PAN3: variants seen among roughly 807,000 people sequenced by gnomAD.
PAN3 encodes the protein PAN2-PAN3 deadenylation complex subunit PAN3.
A neutral mutation model predicts 96.2 loss-of-function variants in PAN3; 19 were observed. The observed-to-expected ratio is 0.20, with a 90% CI of 0.14 to 0.29. The LOEUF is 0.29. Among genes scored for constraint, PAN3 ranks in the 10% least tolerant of loss-of-function variants. PAN3 has a pLI of 1.00. For synonymous variants in PAN3, 433 were observed against 406.6 expected, an observed-to-expected ratio of 1.06 and a Z score of -0.78; for missense variants, 882 against 1,108.1, an observed-to-expected ratio of 0.80 and a Z score of 2.90.
intron 5 of PAN3, among the ~76,000 whole-genome samples, chr13:28,203,016 G>A (rs1453435634): frequency 6.6e-6 from 1 of 151,566 alleles, no homozygotes; most frequent in Non-Finnish European, 1.5e-5. Context: ...AGGCTGGAGT[G>A]CAGTGGTGCA....
intron 1 of PAN3, among the ~76,000 whole-genome samples, chr13:28,141,717 T>C (rs1234111980): frequency 2.0e-5 from 3 of 152,164 alleles, no homozygotes; most frequent in African/African-American, 7.2e-5. Context: ...TCCGCCTGCC[T>C]CGGCCTCCTA....
intron 12 of PAN3, among the ~76,000 whole-genome samples, chr13:28,268,888 T>C (rs2138659812): frequency 6.6e-6 from 1 of 152,280 alleles, no homozygotes; most frequent in Non-Finnish European, 1.5e-5. Context: ...AATCTGGTCA[T>C]AGAATGTGGT....
At chr13:28,225,460 A>G (rs1270695231) in intron 6 of PAN3, among the ~76,000 whole-genome samples, 3 of 152,226 alleles carry the variant, frequency 2.0e-5, no homozygotes, top group Non-Finnish European at 2.9e-5. Context: ...TAAATTACAT[A>G]GTAGTTGGAT....
intron 17 of PAN3, 55 bp downstream of exon 17, chr13:28,281,434 T>C (rs1468794920): frequency 2.4e-5 from 34 of 1,438,482 alleles, no homozygotes; most frequent in Non-Finnish European, 3.2e-5. Flanking sequence ...CTATTTTGCA[T>C]AATAAGAATA....
intron 5 of PAN3, chr13:28,215,043 T>TA: frequency 8.8e-7 from 1 of 1,131,772 alleles, no homozygotes; most frequent in Non-Finnish European, 1.3e-6. Flanking sequence ...AGTCAGCACT[T>TA]ATATTAATAA....
chr13:28,267,917 G>A (rs1357195689), intron 12 of PAN3, among the ~76,000 whole-genome samples: 1 of 152,134 alleles, frequency 6.6e-6, no homozygotes, highest in African/African-American at 2.4e-5. Flanking sequence ...ATATGTCAAA[G>A]AAATGGAGAT....
At position 28,293,307 on chromosome 13, in the gene PAN3, T is replaced by C. The variant is rs946235911; in HGVS notation, c.*785T>C. On this transcript the variant is annotated 3_prime_UTR_variant, in exon 19 of 19. Coordinates refer to ENST00000380958, the MANE Select transcript of PAN3 (RefSeq NM_175854.8). ...TACATTTACATTTATGCAAATTTTT[T>C]AAATAGGAGAAAATTAAGAAATTGT... The C allele has an allele frequency of 4.0e-5, 6 of 151,454 alleles. No individual in the cohort carries two copies. The South Asian group carries it at 6.3e-4, about 16-fold the overall frequency. The allele number at this position is 151,454 out of a possible 1,614,324, so 9.4% of individuals were successfully genotyped here.
intron 5 of PAN3, among the ~76,000 whole-genome samples, chr13:28,218,170 G>T (rs147877372): frequency 6.6e-6 from 1 of 151,918 alleles, no homozygotes. Context: ...ATTGTTACAT[G>T]TTATTTTAAA....
chr13:28,288,063 G>A lies in PAN3; in HGVS notation c.2464G>A (p.Val822Met). The A allele has an allele frequency of 6.2e-7, 1 of 1,613,714 alleles. No individual in the cohort carries two copies. The highest frequency in any genetic ancestry group is 8.5e-7 in the Non-Finnish European group (1 of 1,179,710). The change falls in exon 18 of 19, where the codon GTG becomes ATG. Residue 822 changes from valine (V) to methionine (M), a missense_variant. This residue lies in a region of PAN3 where 76 missense variants were observed against 171.7 expected (regional missense o/e 0.44). Coordinates refer to ENST00000380958, the MANE Select transcript of PAN3 (RefSeq NM_175854.8). Reference protein sequence around the residue: ...KLFRDHLFHQVTEAGAPWIDL... With the variant: ...KLFRDHLFHQMTEAGAPWIDL... ...CTTTAGGGATCATCTTTTTCATCAG[G>A]TGACAGAAGCAGGTGCTCCCTGGAT... is the stretch of plus-strand genomic sequence containing the variant.
At chr13:28,205,062 T>C (rs1413900746) in intron 5 of PAN3, among the ~76,000 whole-genome samples, 2 of 152,160 alleles carry the variant, frequency 1.3e-5, no homozygotes, top group Non-Finnish European at 2.9e-5. Context: ...TAAATTCTCA[T>C]GTGAGTTCTA....
chr13:28,274,972 C>T (rs1219427379), intron 14 of PAN3, among the ~76,000 whole-genome samples: 1 of 151,850 alleles, frequency 6.6e-6, no homozygotes, highest in African/African-American at 2.4e-5. Context: ...ATAAGTAGAG[C>T]CATAGATAGA....
intron 1 of PAN3, among the ~76,000 whole-genome samples, chr13:28,144,973 C>T (rs1410228452): frequency 2.0e-5 from 3 of 152,050 alleles, no homozygotes; most frequent in Non-Finnish European, 2.9e-5. Flanking sequence ...CTGCCTCAGC[C>T]TCCGAAAGCG....
chr13:28,281,733 T>G (rs1593631144), intron 17 of PAN3, among the ~76,000 whole-genome samples: 1 of 152,000 alleles, frequency 6.6e-6, no homozygotes, highest in South Asian at 2.1e-4. Context: ...AATCTCTAAT[T>G]TTTGCATGCC....
intron 4 of PAN3, among the ~76,000 whole-genome samples, chr13:28,194,466 A>ATATATATATTTT (rs1429166016): frequency 4.9e-5 from 6 of 122,116 alleles, no homozygotes; most frequent in African/African-American, 2.2e-4. Flanking sequence ...ATATATATAT[A>ATATATATATTTT]TTTTTTTTTT....
intron 5 of PAN3, among the ~76,000 whole-genome samples, chr13:28,205,355 C>T (rs553594181): frequency 6.6e-6 from 1 of 152,152 alleles, no homozygotes; most frequent in Non-Finnish European, 1.5e-5. Flanking sequence ...TTTCTGTTCA[C>T]ACATCTCACC....
intron 7 of PAN3, among the ~76,000 whole-genome samples, chr13:28,258,894 A>G (rs746097444): frequency 2.0e-5 from 3 of 152,224 alleles, no homozygotes; most frequent in Non-Finnish European, 4.4e-5. Flanking sequence ...CTAATGCAGT[A>G]TAAGTGCTTT....
intron 6 of PAN3, among the ~76,000 whole-genome samples, chr13:28,224,966 G>A (rs959359383): frequency 6.6e-6 from 1 of 152,030 alleles, no homozygotes; most frequent in African/African-American, 2.4e-5. Flanking sequence ...GATATGGGGA[G>A]AATCATCTAA....
At chr13:28,235,709 A>ACACACACACACACACACC (rs1566213307) in intron 6 of PAN3, among the ~76,000 whole-genome samples, 1 of 150,586 alleles carries the variant, frequency 6.6e-6, no homozygotes, top group African/African-American at 2.5e-5. Flanking sequence ...ACACACACAC[A>ACACACACACACACACACC]CACACACACA....
intron 4 of PAN3, among the ~76,000 whole-genome samples, chr13:28,180,033 C>T (rs945380756): frequency 2.0e-5 from 3 of 151,690 alleles, no homozygotes; most frequent in Admixed American, 6.6e-5. Flanking sequence ...AGAATATATC[C>T]AATGGAAGCA....
Sources: allele counts gnomAD v4.1 joint callset (sites outside exome capture counted in the v4.1 genomes callset), GRCh38; gene constraint gnomAD v4.1.1; regional missense constraint gnomAD v4.1.1; transcripts MANE v1.5; gene names NCBI Gene and HGNC (gene_info 2026-07-23, HGNC 2026-07-21).